NTM: variants seen among roughly 807,000 people sequenced by gnomAD.
NTM encodes the protein neurotrimin.
Under a neutral mutation model 42.1 loss-of-function variants are expected in NTM, and 13 were observed. The ratio of observed to expected loss-of-function variants is 0.31; its 90% CI spans 0.20 to 0.49. The LOEUF (loss-of-function observed/expected upper bound fraction) is 0.49, where lower values mean the gene tolerates loss of function less well. NTM is among the 20% of genes least tolerant of loss of function. The pLI, the probability that NTM is intolerant of heterozygous loss-of-function variation, is 0.99. For missense variants in NTM, 373 were observed against 452.8 expected (o/e 0.82, Z 1.60); for synonymous variants, 187 against 179.2 (o/e 1.04, Z -0.35).
At chr11:131,906,692 C>G (rs1479214326) in intron 1 of NTM, among the ~76,000 whole-genome samples, 1 of 152,160 alleles carries the variant, frequency 6.6e-6, no homozygotes, top group African/African-American at 2.4e-5. Context: ...TTGTTCTATC[C>G]ACCATCGCTC....
chr11:131,632,735 C>T (rs1174164681), intron 1 of NTM, among the ~76,000 whole-genome samples: 2 of 115,416 alleles, frequency 1.7e-5, no homozygotes, highest in Admixed American at 1.2e-4. Context: ...AGTGCAGTGG[C>T]GCGATCTCCA....
chr11:132,102,512 A>G (rs1165244013), intron 2 of NTM, among the ~76,000 whole-genome samples: 1 of 152,216 alleles, frequency 6.6e-6, no homozygotes, highest in Non-Finnish European at 1.5e-5. Flanking sequence ...GATCTCACTT[A>G]TTCTCAGGGT....
chr11:131,639,252 A>G (rs2064823133), intron 1 of NTM, among the ~76,000 whole-genome samples: 1 of 152,132 alleles, frequency 6.6e-6, no homozygotes, highest in African/African-American at 2.4e-5. Flanking sequence ...TTTGGAATGG[A>G]AAGTGATACT....
At chr11:131,587,949 C>G (rs1271531170) in intron 1 of NTM, among the ~76,000 whole-genome samples, 2 of 152,184 alleles carry the variant, frequency 1.3e-5, no homozygotes, top group Non-Finnish European at 2.9e-5. Context: ...CATAGCTGAG[C>G]ATCAAGTAAG....
At chr11:131,437,820 C>G (rs1430317302) in intron 1 of NTM, among the ~76,000 whole-genome samples, 2 of 152,134 alleles carry the variant, frequency 1.3e-5, no homozygotes, top group African/African-American at 4.8e-5. Context: ...GAATTTGATC[C>G]TGTCAATATG....
chr11:131,986,710 G>A (rs1384583233), intron 2 of NTM, among the ~76,000 whole-genome samples: 1 of 152,034 alleles, frequency 6.6e-6, no homozygotes, highest in African/African-American at 2.4e-5. Context: ...TTCCTTATTA[G>A]GAATATAACC....
At chr11:131,978,800 A>G (rs1182410179) in intron 2 of NTM, among the ~76,000 whole-genome samples, 1 of 152,242 alleles carries the variant, frequency 6.6e-6, no homozygotes, top group African/African-American at 2.4e-5. Flanking sequence ...GAAGGCTGTG[A>G]GAGTAAAACT....
chr11:131,753,391 GTATATAA>G (rs1164878083), intron 1 of NTM, among the ~76,000 whole-genome samples: 2 of 141,994 alleles, frequency 1.4e-5, no homozygotes, highest in Non-Finnish European at 3.0e-5. Flanking sequence ...CCATTACTGG[GTATATAA>G]CCAAAAGGAC....
At chr11:131,580,112 A>G (rs966344966) in intron 1 of NTM, among the ~76,000 whole-genome samples, 3 of 152,096 alleles carry the variant, frequency 2.0e-5, no homozygotes, top group African/African-American at 7.2e-5. Context: ...GGCAGCCATA[A>G]AGGAATCCGA....
chr11:131,858,098 G>A (rs1388572386), intron 1 of NTM, among the ~76,000 whole-genome samples: 1 of 151,728 alleles, frequency 6.6e-6, no homozygotes, highest in Admixed American at 6.6e-5. Context: ...CTCTTATGAG[G>A]TTCTGGAATA....
intron 1 of NTM, among the ~76,000 whole-genome samples, chr11:131,578,333 T>C (rs1367365560): frequency 6.6e-6 from 1 of 152,196 alleles, no homozygotes; most frequent in Non-Finnish European, 1.5e-5. Context: ...TCAGATTCAG[T>C]TATGATCTAT....
Position 131,600,868 on chromosome 11 carries a change from C to T in NTM, c.82+229980C>T, listed in dbSNP as rs115767191. 6.6e-3 allele frequency among the ~76,000 whole-genome samples: 996 copies of T among 152,016 alleles called. 11 individuals carry two copies. Among genetic ancestry groups the T allele is most frequent in the African/African-American group, 0.023 (936 of 41,454 alleles). On this transcript the variant is annotated intron_variant, in intron 1 of 8. Transcript: ENST00000683400. Reference sequence around the variant, plus strand: ...CACTTTTTTTTTTTCCATATGAAACCAGGAGTTACTTTTGAGGTCTAATGA... The same window carrying T: ...CACTTTTTTTTTTTCCATATGAAACTAGGAGTTACTTTTGAGGTCTAATGA...
intron 3 of NTM, among the ~76,000 whole-genome samples, chr11:132,185,893 C>G (rs1442945790): frequency 6.6e-6 from 1 of 152,130 alleles, no homozygotes; most frequent in Non-Finnish European, 1.5e-5. Context: ...TGTGCTCAGG[C>G]AAATAATGGG....
chr11:131,882,455 T>A (rs2049689139), intron 1 of NTM, among the ~76,000 whole-genome samples: 2 of 152,206 alleles, frequency 1.3e-5, no homozygotes, highest in African/African-American at 4.8e-5. Flanking sequence ...TAAATGTTAA[T>A]CTCATTTAAA....
chr11:132,202,859 G>GT (rs1304920281), intron 3 of NTM, among the ~76,000 whole-genome samples: 7 of 152,142 alleles, frequency 4.6e-5, no homozygotes, highest in African/African-American at 1.4e-4. Flanking sequence ...AAATCACTAG[G>GT]TTTTTTTCCT....
chr11:131,517,422 T>A (rs1198975572), intron 1 of NTM, among the ~76,000 whole-genome samples: 1 of 152,146 alleles, frequency 6.6e-6, no homozygotes, highest in Non-Finnish European at 1.5e-5. Flanking sequence ...TGCATCCCGA[T>A]GTTATAATTA....
chr11:131,733,812 A>T (rs2080054567), intron 1 of NTM, among the ~76,000 whole-genome samples: 1 of 152,218 alleles, frequency 6.6e-6, no homozygotes, highest in African/African-American at 2.4e-5. Context: ...TGCAGGAATT[A>T]CAGGCATGAG....
At chr11:131,642,662 A>T (rs543126863) in intron 1 of NTM, among the ~76,000 whole-genome samples, 2 of 152,318 alleles carry the variant, frequency 1.3e-5, no homozygotes, top group East Asian at 3.9e-4. Flanking sequence ...AAAGAAATGG[A>T]GTTGACCCAA....
At chr11:132,165,507 C>T (rs1191720673) in intron 3 of NTM, among the ~76,000 whole-genome samples, 1 of 152,186 alleles carries the variant, frequency 6.6e-6, no homozygotes, top group African/African-American at 2.4e-5. Context: ...TAAGAGCAAA[C>T]ATTTATTGGG....
Sources: gnomAD v4.1 joint callset for allele counts (sites outside exome capture counted in the v4.1 genomes callset) on GRCh38, gnomAD v4.1.1 for gene constraint, MANE v1.5 for transcripts, NCBI Gene and HGNC (gene_info 2026-07-23, HGNC 2026-07-21) for gene names.